The following CDH9 variants were observed in gnomAD, a reference collection of about 807,000 sequenced individuals.
CDH9 encodes cadherin-9.
Under a neutral mutation model 70.9 loss-of-function variants are expected in CDH9, and 28 were observed. The ratio of observed to expected loss-of-function variants is 0.40; its 90% CI spans 0.29 to 0.54. CDH9 has a LOEUF of 0.54. Ranked by LOEUF, CDH9 falls within the 20% of genes least tolerant of loss-of-function variation. The pLI, the probability that CDH9 is intolerant of heterozygous loss-of-function variation, is 0.59. For missense variants in CDH9, 874 were observed against 984.4 expected, an observed-to-expected ratio of 0.89 and a Z score of 1.50; for synonymous variants, 409 against 343.1, an observed-to-expected ratio of 1.19 and a Z score of -2.12.
chr5:26,996,109 T>C (rs1742661451), intron 1 of CDH9, among the ~76,000 whole-genome samples: 1 of 152,014 alleles, frequency 6.6e-6, no homozygotes, highest in African/African-American at 2.4e-5. Flanking sequence ...CCTACACATA[T>C]ACACTTACAG....
chr5:26,909,458 T>C (rs1741009597), intron 3 of CDH9, among the ~76,000 whole-genome samples: 1 of 151,572 alleles, frequency 6.6e-6, no homozygotes, highest in Non-Finnish European at 1.5e-5. Context: ...AAGTAAAATA[T>C]AGTGAAACTT....
chr5:26,884,693 T>C (rs1740530421), intron 11 of CDH9, among the ~76,000 whole-genome samples: 3 of 152,194 alleles, frequency 2.0e-5, no homozygotes, highest in African/African-American at 7.2e-5. Context: ...TTCATCCAGA[T>C]AGCTTGAAAG....
intron 9 of CDH9, among the ~76,000 whole-genome samples, chr5:26,889,530 C>T (rs1740619329): frequency 6.6e-6 from 1 of 151,990 alleles, no homozygotes; most frequent in Non-Finnish European, 1.5e-5. Flanking sequence ...GTGAAGATAA[C>T]TCAGCATAAG....
At chr5:27,020,560 A>G (rs1743120235) in intron 1 of CDH9, among the ~76,000 whole-genome samples, 1 of 151,668 alleles carries the variant, frequency 6.6e-6, no homozygotes, top group African/African-American at 2.4e-5. Context: ...AAGGTAAGAT[A>G]TATGTCTATC....
intron 2 of CDH9, among the ~76,000 whole-genome samples, chr5:26,930,164 T>C (rs1579457965): frequency 6.6e-6 from 1 of 152,034 alleles, no homozygotes; most frequent in South Asian, 2.1e-4. Context: ...AAAATAATTA[T>C]ATAGAAATAT....
At chr5:26,943,889 T>A (rs1283277652) in intron 2 of CDH9, among the ~76,000 whole-genome samples, 4 of 152,234 alleles carry the variant, frequency 2.6e-5, no homozygotes, top group Admixed American at 1.3e-4. Context: ...GCTCAGTTTA[T>A]ATTATATAAC....
intron 2 of CDH9, among the ~76,000 whole-genome samples, chr5:26,985,680 A>C (rs1018587189): frequency 6.6e-6 from 1 of 152,084 alleles, no homozygotes; most frequent in Non-Finnish European, 1.5e-5. Context: ...TTCCCATTAG[A>C]AGCTACTTAG....
chr5:26,951,042 C>T (rs1741834951), intron 2 of CDH9, among the ~76,000 whole-genome samples: 1 of 151,972 alleles, frequency 6.6e-6, no homozygotes, highest in Admixed American at 6.6e-5. Flanking sequence ...GCCTGTAATC[C>T]CAGCACTTTG....
intron 11 of CDH9, among the ~76,000 whole-genome samples, chr5:26,885,329 C>G (rs1740544951): frequency 6.6e-6 from 1 of 152,074 alleles, no homozygotes; most frequent in South Asian, 2.1e-4. Context: ...GTCCTTAGAA[C>G]AGTGAACATA....
intron 1 of CDH9, among the ~76,000 whole-genome samples, chr5:27,012,284 T>C (rs963149538): frequency 6.6e-5 from 10 of 152,002 alleles, no homozygotes; most frequent in African/African-American, 2.4e-4. Flanking sequence ...TACTGTATTA[T>C]TATTATTTTT....
At chr5:26,991,138 A>G (rs986626858) in intron 1 of CDH9, among the ~76,000 whole-genome samples, 3 of 152,214 alleles carry the variant, frequency 2.0e-5, no homozygotes, top group African/African-American at 7.2e-5. Flanking sequence ...GAGAGAGATC[A>G]GTTAGGGTCT....
chr5:26,891,966 G>A (rs1210357636), intron 7 of CDH9, among the ~76,000 whole-genome samples: 1 of 152,122 alleles, frequency 6.6e-6, no homozygotes, highest in Non-Finnish European at 1.5e-5. Context: ...GATCAAGGAA[G>A]CAATTCCCTG....
At chr5:27,007,881 A>C (rs943366853) in intron 1 of CDH9, among the ~76,000 whole-genome samples, 1 of 152,224 alleles carries the variant, frequency 6.6e-6, no homozygotes, top group African/African-American at 2.4e-5. Context: ...GAGGACACTA[A>C]ATTTCAATTA....
intron 11 of CDH9, among the ~76,000 whole-genome samples, chr5:26,884,311 T>C (rs558034870): frequency 5.3e-5 from 8 of 152,292 alleles, no homozygotes; most frequent in African/African-American, 1.9e-4. Context: ...TCTTTGTGTG[T>C]ATGTGCATTA....
At chr5:26,956,681 C>T (rs1028678830) in intron 2 of CDH9, among the ~76,000 whole-genome samples, 1 of 152,136 alleles carries the variant, frequency 6.6e-6, no homozygotes, top group Non-Finnish European at 1.5e-5. Flanking sequence ...TCCACCATGG[C>T]ATGACACAGA....
In CDH9 at chr5:26,904,926, T is replaced by G. The variant is rs141763760; in HGVS notation, c.811+1033A>C. ...TATTATAGATAACAGAATTACAGAA[T>G]GTCAAGGCATTAAAAATGCATCGAG... On this transcript the variant is annotated intron_variant, in intron 5 of 11. Transcript: ENST00000231021. Among the ~76,000 whole-genome samples, 41 of 152,230 alleles carry G rather than the reference T, an allele frequency of 2.7e-4. No individual in the cohort carries two copies. The East Asian group carries it at 7.1e-3, about 27-fold the overall frequency.
At chr5:27,037,261 A>G (rs1430022383) in intron 1 of CDH9, among the ~76,000 whole-genome samples, 1 of 151,910 alleles carries the variant, frequency 6.6e-6, no homozygotes, top group African/African-American at 2.4e-5. Flanking sequence ...AAAGTCATTC[A>G]TTCTTCATGC....
intron 1 of CDH9, among the ~76,000 whole-genome samples, chr5:26,993,071 A>C (rs185802990): frequency 6.6e-6 from 1 of 150,674 alleles, no homozygotes; most frequent in African/African-American, 2.5e-5. Context: ...ATTGCACTCT[A>C]ACCTGGGCAA....
At chr5:26,987,672 A>G (rs1238312254) in intron 2 of CDH9, among the ~76,000 whole-genome samples, 1 of 152,006 alleles carries the variant, frequency 6.6e-6, no homozygotes, top group African/African-American at 2.4e-5. Flanking sequence ...TTCTGCCTTA[A>G]ACACTTTTGT....
Sources: allele counts gnomAD v4.1 joint callset (sites outside exome capture counted in the v4.1 genomes callset), GRCh38; gene constraint gnomAD v4.1.1; transcripts MANE v1.5; gene names NCBI Gene and HGNC (gene_info 2026-07-23, HGNC 2026-07-21).